DOCK8: variants seen among roughly 807,000 people sequenced by gnomAD.
The protein encoded by DOCK8 is dedicator of cytokinesis protein 8.
A neutral mutation model predicts 245.6 loss-of-function variants in DOCK8; 141 were observed. The ratio of observed to expected loss-of-function variants is 0.57; its 90% CI spans 0.50 to 0.66. The LOEUF is 0.66. Among genes scored for constraint, DOCK8 ranks in the 30% least tolerant of loss-of-function variants. The pLI is 0.00. For synonymous variants in DOCK8, 1,168 were observed against 970.2 expected, an observed-to-expected ratio of 1.20 and a Z score of -3.79; for missense variants, 2,965 against 2,603.4, an observed-to-expected ratio of 1.14 and a Z score of -3.02.
intron 26 of DOCK8, among the ~76,000 whole-genome samples, chr9:400,007 C>CTT (rs2054685990): frequency 2.0e-5 from 2 of 98,954 alleles, no homozygotes; most frequent in South Asian, 4.0e-4. Flanking sequence ...TCCACCACCT[C>CTT]CACCATCACC....
intron 34 of DOCK8, among the ~76,000 whole-genome samples, chr9:427,421 A>G (rs997076711): frequency 1.3e-5 from 2 of 152,180 alleles, no homozygotes; most frequent in South Asian, 2.1e-4. Context: ...AATTTGACAA[A>G]TGATGTCTTC....
At chr9:223,467 C>G (rs2046927234) in intron 1 of DOCK8, among the ~76,000 whole-genome samples, 1 of 152,124 alleles carries the variant, frequency 6.6e-6, no homozygotes, top group African/African-American at 2.4e-5. Context: ...CTTTCCCTGG[C>G]CTCATAGCCC....
chr9:237,307 G>T (rs373035679), intron 1 of DOCK8, among the ~76,000 whole-genome samples: 1 of 152,216 alleles, frequency 6.6e-6, no homozygotes, highest in African/African-American at 2.4e-5. Flanking sequence ...AGGTGCCATT[G>T]TCCTATCAGC....
intron 21 of DOCK8, among the ~76,000 whole-genome samples, chr9:382,065 C>T (rs11793255): frequency 0.15 from 23,508 of 152,146 alleles, 2,267 homozygotes; most frequent in South Asian, 0.24. Flanking sequence ...CATCATATAC[C>T]GTAATCCTCA....
intron 32 of DOCK8, among the ~76,000 whole-genome samples, chr9:421,618 AGTCTTAT>A (rs1352114865): frequency 2.0e-5 from 3 of 152,214 alleles, no homozygotes; most frequent in Non-Finnish European, 4.4e-5. Context: ...AGGTACCCTC[AGTCTTAT>A]TCACCATGCT....
In DOCK8 at chr9:399,251, T is replaced by C; in HGVS notation, c.3226T>C (p.Cys1076Arg). 1.9e-6 allele frequency: 3 copies of C among 1,612,834 alleles called. No homozygotes were observed. The highest frequency in any genetic ancestry group is 1.7e-6 in the Non-Finnish European group (2 of 1,179,454). The stretch of plus-strand genomic sequence containing the variant: ...TGTGTTTAACCTCATCAGACATTAT[T>C]GCAGCCAGGTGAGTGTCCCCCCCAC... Reference protein sequence around the residue: ...GFVFNLIRHYCSQLSAKLSNL... With the variant: ...GFVFNLIRHYRSQLSAKLSNL... The change falls in exon 26 of 48, where the codon TGC becomes CGC. Residue 1076 changes from cysteine to arginine, a missense_variant. Coordinates refer to ENST00000432829, the MANE Select transcript of DOCK8 (RefSeq NM_203447.4).
At chr9:333,573 C>G (rs926272477) in intron 10 of DOCK8, among the ~76,000 whole-genome samples, 1 of 150,818 alleles carries the variant, frequency 6.6e-6, no homozygotes, top group Non-Finnish European at 1.5e-5. Flanking sequence ...TGCACTCCAG[C>G]CTGGGTGACA....
intron 46 of DOCK8, among the ~76,000 whole-genome samples, chr9:463,030 A>C (rs2057854735): frequency 6.6e-6 from 1 of 152,244 alleles, no homozygotes; most frequent in African/African-American, 2.4e-5. Context: ...CTTCTGGCAC[A>C]TAGCAAGTCA....
chr9:312,357 A>T (rs553877707), intron 6 of DOCK8, 191 bp downstream of exon 6: 2 of 718,488 alleles, frequency 2.8e-6, no homozygotes, highest in African/African-American at 3.5e-5. Context: ...TATCACACAG[A>T]TGGGATTCTG....
In DOCK8 at chr9:434,934, G is replaced by C; in HGVS notation, c.5038G>C (p.Glu1680Gln). ...ALVAEYLSML[E>Q]DHSYLPVGSV... The stretch of plus-strand genomic sequence containing the variant: ...AGTGGCTGAGTATCTGAGCATGCTG[G>C]AGGACCACAGCTACCTGCCCGTGGG... Residue 1680 changes from glutamate to glutamine, a missense_variant, in exon 39 of 48, where the codon GAG becomes CAG. Coordinates refer to ENST00000432829, the MANE Select transcript of DOCK8 (RefSeq NM_203447.4). The C allele has an allele frequency of 6.2e-7, 1 of 1,613,506 alleles. No homozygotes were observed. The highest frequency in any genetic ancestry group is 8.5e-7 in the Non-Finnish European group (1 of 1,180,042).
rs531275796 is a variant in DOCK8 at position 261,191 on chromosome 9, A to T, written c.54-10436A>T. 6.0e-4 allele frequency among the ~76,000 whole-genome samples: 92 copies of T among 152,240 alleles called. 1 individual carries two copies. The highest frequency in any genetic ancestry group is 9.7e-4 in the Non-Finnish European group (66 of 68,006). ...GAGACATTGTACAATATGCTTTTTT[A>T]TACTTTTTATATTTAAAATTGCAAA... On this transcript the variant is annotated intron_variant, in intron 1 of 47. Transcript: ENST00000432829.
intron 14 of DOCK8, among the ~76,000 whole-genome samples, chr9:347,588 C>G (rs2051959882): frequency 1.3e-5 from 2 of 152,280 alleles, no homozygotes; most frequent in African/African-American, 2.4e-5. Flanking sequence ...AGCAAGCAGT[C>G]GCTTATGGAA....
chr9:436,287 TTAAA>T (rs1174055915), intron 39 of DOCK8, among the ~76,000 whole-genome samples: 4 of 152,248 alleles, frequency 2.6e-5, no homozygotes, highest in African/African-American at 9.6e-5. Context: ...AAGCTGATAA[TTAAA>T]TCTCATCCAA....
intron 9 of DOCK8, among the ~76,000 whole-genome samples, chr9:331,505 A>C (rs1434579084): frequency 6.6e-6 from 1 of 152,216 alleles, no homozygotes; most frequent in Non-Finnish European, 1.5e-5. Flanking sequence ...GCACCTATTA[A>C]GTATGTGTCC....
Position 377,173 on chromosome 9 carries a change from A to G in DOCK8, c.2402A>G (p.Gln801Arg). Residue 801 changes from glutamine to arginine, a missense_variant, in exon 20 of 48, where the codon CAG (glutamine) becomes CGG (arginine). Coordinates refer to ENST00000432829, the MANE Select transcript of DOCK8 (RefSeq NM_203447.4). ...CACCTGGTGCTGGACAAGCTCTTCCAGCTGTCCGTGCAGCCCATGGTCATC... is the reference window on the plus strand; with the variant it reads ...CACCTGGTGCTGGACAAGCTCTTCCGGCTGTCCGTGCAGCCCATGGTCATC... ...FLHLVLDKLFQLSVQPMVIAG... is the reference protein window; with the variant it reads ...FLHLVLDKLFRLSVQPMVIAG... The G allele has an allele frequency of 6.2e-7, 1 of 1,602,976 alleles. No individual in the cohort carries two copies. Among genetic ancestry groups the G allele is most frequent in the Non-Finnish European group, 8.5e-7 (1 of 1,179,250 alleles).
intron 1 of DOCK8, among the ~76,000 whole-genome samples, chr9:229,140 A>C (rs1051146969): frequency 6.6e-6 from 1 of 152,220 alleles, no homozygotes; most frequent in African/African-American, 2.4e-5. Context: ...GGAGAATAGA[A>C]TCAACCTATT....
chr9:340,211 G>A lies in DOCK8; in HGVS notation c.1569G>A (p.Leu523=). The A allele has an allele frequency of 6.2e-7, 1 of 1,614,164 alleles. No individual in the cohort carries two copies. The highest frequency in any genetic ancestry group is 8.5e-7 in the Non-Finnish European group (1 of 1,180,034). ...CTCCAGAGATCATCAATTGCTGTCT[G>A]ACTCCTGAAATGCTGCCCGTGAAAC... is the stretch of plus-strand genomic sequence containing the variant. ...STAPEIINCC[L]TPEMLPVKPF... The change falls in exon 14 of 48, where the codon CTG becomes CTA. Residue 523 remains leucine (L), a synonymous_variant. Coordinates refer to ENST00000432829, the MANE Select transcript of DOCK8 (RefSeq NM_203447.4).
At chr9:403,979 T>C (rs1249189485) in intron 26 of DOCK8, among the ~76,000 whole-genome samples, 11 of 93,550 alleles carry the variant, frequency 1.2e-4, no homozygotes, top group African/African-American at 6.0e-4. Flanking sequence ...TATATATGTG[T>C]ATATATATAT....
intron 1 of DOCK8, among the ~76,000 whole-genome samples, chr9:257,797 G>A (rs564719143): frequency 6.6e-5 from 10 of 152,290 alleles, no homozygotes; most frequent in South Asian, 4.1e-4. Context: ...GATTACAGGC[G>A]TGAGCCACCG....
Sources: allele counts gnomAD v4.1 joint callset (sites outside exome capture counted in the v4.1 genomes callset), GRCh38; gene constraint gnomAD v4.1.1; transcripts MANE v1.5; gene names NCBI Gene and HGNC (gene_info 2026-07-23, HGNC 2026-07-21).